Variants in DENND1A observed in about 807,000 individuals in gnomAD.
DENND1A encodes the protein DENN domain containing 1A, also known as DENN domain-containing protein 1A.
Under a neutral mutation model 113.7 loss-of-function variants are expected in DENND1A, and 51 were observed. That is an observed-to-expected ratio of 0.45 (90% confidence interval 0.36 to 0.57). The LOEUF is 0.57. Among genes scored for constraint, DENND1A ranks in the 20% least tolerant of loss-of-function variants. The pLI is 0.00. For synonymous variants in DENND1A, 565 were observed against 570.8 expected, an observed-to-expected ratio of 0.99 and a Z score of 0.14; for missense variants, 1,258 against 1,395.9, an observed-to-expected ratio of 0.90 and a Z score of 1.57.
At chr9:123,479,795 G>A (rs1339073005) in intron 13 of DENND1A, among the ~76,000 whole-genome samples, 1 of 152,220 alleles carries the variant, frequency 6.6e-6, no homozygotes, top group Non-Finnish European at 1.5e-5. Flanking sequence ...TCTTCCACTT[G>A]CTTTGGTGGT....
intron 6 of DENND1A, among the ~76,000 whole-genome samples, chr9:123,674,708 A>G (rs2063959391): frequency 1.3e-5 from 2 of 152,214 alleles, no homozygotes; most frequent in African/African-American, 4.8e-5. Context: ...GCCCAGAGGA[A>G]AGGTTCACCA....
At chr9:123,614,654 C>T (rs376753245) in intron 10 of DENND1A, among the ~76,000 whole-genome samples, 5 of 151,992 alleles carry the variant, frequency 3.3e-5, no homozygotes, top group East Asian at 3.9e-4. Context: ...AAGGGAGAGG[C>T]GGTCCCTCCA....
chr9:123,594,709 T>C (rs2059607956), intron 11 of DENND1A, among the ~76,000 whole-genome samples: 1 of 152,158 alleles, frequency 6.6e-6, no homozygotes, highest in Admixed American at 6.6e-5. Flanking sequence ...GCCCGTGTTC[T>C]TACAACTGGA....
At chr9:123,590,014 T>C (rs2059383874) in intron 11 of DENND1A, among the ~76,000 whole-genome samples, 1 of 152,240 alleles carries the variant, frequency 6.6e-6, no homozygotes, top group Non-Finnish European at 1.5e-5. Flanking sequence ...CAGAGTTGTG[T>C]GAGGCTTTGA....
At chr9:123,442,506 A>C (rs2047001919) in intron 18 of DENND1A, among the ~76,000 whole-genome samples, 1 of 152,132 alleles carries the variant, frequency 6.6e-6, no homozygotes, top group Admixed American at 6.5e-5. Context: ...TACAAGATAG[A>C]TATGAGAGAA....
At chr9:123,403,341 A>G (rs1244325291) in intron 21 of DENND1A, 61 bp downstream of exon 21, 2 of 1,579,982 alleles carry the variant, frequency 1.3e-6, no homozygotes, top group African/African-American at 2.7e-5. Context: ...TGGGCTTCGC[A>G]AAGTGCTGGC....
chr9:123,540,500 C>A (rs2056204882), intron 13 of DENND1A, among the ~76,000 whole-genome samples: 1 of 152,126 alleles, frequency 6.6e-6, no homozygotes, highest in African/African-American at 2.4e-5. Flanking sequence ...GATCAGGAAA[C>A]AGGTATTAAG....
chr9:123,686,199 A>C (rs1400978038), intron 5 of DENND1A, among the ~76,000 whole-genome samples: 3 of 152,180 alleles, frequency 2.0e-5, no homozygotes, highest in Non-Finnish European at 4.4e-5. Context: ...TACTCTTCAT[A>C]ACTCTGTGAG....
chr9:123,880,010 G>T (rs1848090937), intron 1 of DENND1A, among the ~76,000 whole-genome samples: 1 of 151,992 alleles, frequency 6.6e-6, no homozygotes, highest in Admixed American at 6.6e-5. Flanking sequence ...TCATAAATTT[G>T]TTTATTTACG....
At chr9:123,651,014 T>C (rs2062621143) in intron 9 of DENND1A, among the ~76,000 whole-genome samples, 1 of 151,920 alleles carries the variant, frequency 6.6e-6, no homozygotes, top group East Asian at 1.9e-4. Flanking sequence ...TAGTAGAATT[T>C]AGATGGAAGT....
chr9:123,756,475 C>T (rs535169815), intron 5 of DENND1A, among the ~76,000 whole-genome samples: 2 of 152,274 alleles, frequency 1.3e-5, no homozygotes, highest in East Asian at 1.9e-4. Flanking sequence ...GCTACTAAGG[C>T]GTGCTTGAGA....
At chr9:123,885,566 G>C (rs1230559943) in intron 1 of DENND1A, among the ~76,000 whole-genome samples, 1 of 152,192 alleles carries the variant, frequency 6.6e-6, no homozygotes, top group Non-Finnish European at 1.5e-5. Context: ...TTCTCAATAA[G>C]TCACACCTGC....
intron 5 of DENND1A, among the ~76,000 whole-genome samples, chr9:123,677,472 C>T (rs1387131117): frequency 4.6e-5 from 7 of 152,166 alleles, no homozygotes; most frequent in Non-Finnish European, 1.0e-4. Flanking sequence ...CTCACTCTGT[C>T]ACCCAGGCCG....
At chr9:123,598,663 T>C (rs2059808361) in intron 11 of DENND1A, among the ~76,000 whole-genome samples, 1 of 152,210 alleles carries the variant, frequency 6.6e-6, no homozygotes, top group African/African-American at 2.4e-5. Flanking sequence ...AAAATTGGGA[T>C]GACATCCAAA....
chr9:123,763,059 T>A (rs1286884611), intron 4 of DENND1A, among the ~76,000 whole-genome samples: 1 of 150,948 alleles, frequency 6.6e-6, no homozygotes, highest in Admixed American at 6.6e-5. Flanking sequence ...GTCCCACAGG[T>A]CATGGTAAAG....
intron 13 of DENND1A, among the ~76,000 whole-genome samples, chr9:123,475,677 C>A (rs1036862700): frequency 7.9e-5 from 12 of 152,256 alleles, no homozygotes; most frequent in Non-Finnish European, 1.6e-4. Context: ...CACTCGCCTG[C>A]CATCGCAGGT....
intron 8 of DENND1A, among the ~76,000 whole-genome samples, chr9:123,665,316 A>T (rs2063441564): frequency 6.6e-6 from 1 of 152,218 alleles, no homozygotes; most frequent in Admixed American, 6.5e-5. Flanking sequence ...AGAGAGCTAA[A>T]TGAGAAAATG....
In DENND1A at chr9:123,381,763, G is replaced by A. The variant is rs528747641; in HGVS notation, c.2882C>T (p.Pro961Leu). Residue 961 changes from proline (P) to leucine (L), a missense_variant, in exon 24 of 24, where the codon CCC becomes CTC. Pro to Leu is a moderately conservative substitution (Grantham distance 98, BLOSUM62 -3). Around this residue, in one of 2 missense-constraint regions of DENND1A, gnomAD observed 1,159 missense variants for 1,231.7 expected, o/e 0.94. Transcript: ENST00000394215. This position sits in a 1 kb window ranked among gnomAD's most constrained non-coding sequence, Gnocchi z 4.7. ...TAGGGGGCTCGTGTGGGTGCCCATG[G>A]GCATCTGGCCAAAGAGGTTGGGCAT... Reference protein sequence around the residue: ...LSMPNLFGQMPMGTHTSPLQP... With the variant: ...LSMPNLFGQMLMGTHTSPLQP... 1.3e-6 allele frequency: 2 copies of A among 1,509,650 alleles called. No individual in the cohort carries two copies. The highest frequency in any genetic ancestry group is 1.3e-5 in the South Asian group (1 of 76,536). 93.5% of individuals were successfully genotyped at this position (1,509,650 alleles called of 1,614,324 possible).
rs540241044 is a variant in DENND1A at position 123,710,946 on chromosome 9, T to C, written c.303-34157A>G. 6.6e-5 allele frequency among the ~76,000 whole-genome samples: 10 copies of C among 152,318 alleles called. No individual in the cohort carries two copies. The East Asian group carries it at 1.9e-3, about 29-fold the overall frequency. ...CCTCGGCCTCTCAATGTGCTGGGATTACAGGCGTGAGCCACCATGCCCAGC... is the reference window on the plus strand; with the variant it reads ...CCTCGGCCTCTCAATGTGCTGGGATCACAGGCGTGAGCCACCATGCCCAGC... On this transcript the variant is annotated intron_variant, in intron 5 of 23. Coordinates refer to ENST00000394215, the MANE Select transcript of DENND1A (RefSeq NM_001352964.2).
Sources: allele counts gnomAD v4.1 joint callset (sites outside exome capture counted in the v4.1 genomes callset), GRCh38; gene constraint gnomAD v4.1.1; regional missense constraint gnomAD v4.1.1; non-coding constraint Gnocchi (gnomAD v3.1); transcripts MANE v1.5; gene names NCBI Gene and HGNC (gene_info 2026-07-23, HGNC 2026-07-21).